Variants in CDK5RAP2 observed in about 807,000 individuals in gnomAD.
CDK5RAP2 encodes the protein CDK5 regulatory subunit associated protein 2.
CDK5RAP2 carries 147 observed loss-of-function variants against 232.9 expected under a neutral mutation model. That is an observed-to-expected ratio of 0.63 (90% CI 0.55 to 0.72). The LOEUF (loss-of-function observed/expected upper bound fraction) is 0.72. Ranked by LOEUF, CDK5RAP2 falls within the 30% of genes least tolerant of loss-of-function variation. The pLI is 0.00. For missense variants in CDK5RAP2, 2,195 were observed against 2,231.5 expected, an observed-to-expected ratio of 0.98 and a Z score of 0.33; for synonymous variants, 833 against 833.7, an observed-to-expected ratio of 1.00 and a Z score of 0.01.
intron 29 of CDK5RAP2, among the ~76,000 whole-genome samples, chr9:120,409,967 A>G (rs1432454145): frequency 6.6e-6 from 1 of 152,166 alleles, no homozygotes; most frequent in African/African-American, 2.4e-5. Flanking sequence ...GGGAGTCAGG[A>G]GCACTCTGGG....
At chr9:120,512,877 A>G (rs999370771) in intron 12 of CDK5RAP2, among the ~76,000 whole-genome samples, 9 of 152,190 alleles carry the variant, frequency 5.9e-5, no homozygotes, top group Admixed American at 1.3e-4. Context: ...GTAAAGTACA[A>G]TCTACACCTG....
At chr9:120,574,989 C>A (rs548028509) in intron 1 of CDK5RAP2, among the ~76,000 whole-genome samples, 1 of 151,910 alleles carries the variant, frequency 6.6e-6, no homozygotes, top group East Asian at 1.9e-4. Context: ...GGTTAAGGGC[C>A]GAATGGACTG....
Position 120,403,925 on chromosome 9 carries a change from C to T in CDK5RAP2, c.5041+111G>A. The T allele has an allele frequency of 5.2e-6, 4 of 768,958 alleles. No individual in the cohort carries two copies. The highest frequency in any genetic ancestry group is 1.4e-5 in the South Asian group (1 of 69,732). 47.6% of individuals were successfully genotyped at this position (768,958 alleles called of 1,614,324 possible). The stretch of plus-strand genomic sequence containing the variant: ...TGCTGAGAACTTGAAATCCCAAATC[C>T]TTACCAAATACCCTCCTGAGTTGGG... On this transcript the variant is annotated intron_variant, in intron 33 of 37. Coordinates refer to ENST00000349780, the MANE Select transcript of CDK5RAP2 (RefSeq NM_018249.6). The surrounding 1 kb of genome is among the most constrained non-coding windows in gnomAD (Gnocchi z 4.2).
At chr9:120,442,037 C>T (rs1408464487) in intron 23 of CDK5RAP2, among the ~76,000 whole-genome samples, 1 of 152,162 alleles carries the variant, frequency 6.6e-6, no homozygotes, top group Non-Finnish European at 1.5e-5. Flanking sequence ...GTAATAACCT[C>T]ATGATAATAG....
chr9:120,501,015 C>T (rs2039549535), intron 12 of CDK5RAP2, among the ~76,000 whole-genome samples: 1 of 152,222 alleles, frequency 6.6e-6, no homozygotes, highest in South Asian at 2.1e-4. Flanking sequence ...ATAGATGCTA[C>T]TGTGTGTCAA....
intron 3 of CDK5RAP2, 47 bp downstream of exon 3, chr9:120,568,274 C>G: frequency 7.1e-7 from 1 of 1,404,298 alleles, no homozygotes; most frequent in Non-Finnish European, 1.0e-6. Context: ...TGGACAGTGG[C>G]AGCAGACACA....
intron 34 of CDK5RAP2, 61 bp from the exon 35 acceptor site, chr9:120,400,946 C>A (rs2032956001): frequency 1.5e-5 from 24 of 1,584,222 alleles, no homozygotes; most frequent in Non-Finnish European, 1.8e-5. Flanking sequence ...GACAAGCAAG[C>A]CTTAACATGC....
At chr9:120,452,016 T>C (rs1390393773) in intron 21 of CDK5RAP2, among the ~76,000 whole-genome samples, 1 of 151,838 alleles carries the variant, frequency 6.6e-6, no homozygotes, top group African/African-American at 2.4e-5. Context: ...CATATTTTAA[T>C]ATATTTGGGG....
intron 25 of CDK5RAP2, among the ~76,000 whole-genome samples, chr9:120,429,799 C>A (rs2035162821): frequency 6.6e-6 from 1 of 152,134 alleles, no homozygotes; most frequent in African/African-American, 2.4e-5. Context: ...CCCGCATCGC[C>A]AAGTCAATCC....
chr9:120,518,218 AG>A (rs1564327921), intron 12 of CDK5RAP2, among the ~76,000 whole-genome samples: 415 of 130,404 alleles, frequency 3.2e-3, no homozygotes, highest in African/African-American at 0.012. Context: ...TGTGAGAGAG[AG>A]AGAGAGAGAG....
intron 12 of CDK5RAP2, among the ~76,000 whole-genome samples, chr9:120,516,536 A>T (rs2040349501): frequency 6.6e-6 from 1 of 152,100 alleles, no homozygotes; most frequent in South Asian, 2.1e-4. Context: ...TAAAAAATAA[A>T]AAATTTTGGC....
intron 35 of CDK5RAP2, among the ~76,000 whole-genome samples, chr9:120,396,254 C>A (rs1393104948): frequency 6.6e-6 from 1 of 152,220 alleles, no homozygotes; most frequent in Non-Finnish European, 1.5e-5. Flanking sequence ...TGCTTTGATT[C>A]TTTTCCTTGG....
At chr9:120,419,038 G>A (rs1175973550) in intron 27 of CDK5RAP2, among the ~76,000 whole-genome samples, 2 of 152,168 alleles carry the variant, frequency 1.3e-5, no homozygotes, top group Admixed American at 1.3e-4. Context: ...GGGGCTTTGG[G>A]AGATGATAGG....
At chr9:120,532,645 C>G (rs2041205643) in intron 7 of CDK5RAP2, 1 of 152,516 alleles carries the variant, frequency 6.6e-6, no homozygotes. Flanking sequence ...AAGGTTTCAC[C>G]ACAAAGAGGG....
chr9:120,437,189 G>A lies in CDK5RAP2; in HGVS notation c.3955+106C>T. 2.5e-5 allele frequency: 20 copies of A among 790,420 alleles called. No homozygotes were observed. The South Asian group carries it at 2.9e-4, about 12-fold the overall frequency. 49.0% of individuals were successfully genotyped at this position (790,420 alleles called of 1,614,324 possible). On this transcript the variant is annotated intron_variant, in intron 25 of 37. Coordinates refer to ENST00000349780, the MANE Select transcript of CDK5RAP2 (RefSeq NM_018249.6). ...CTGCTGTCACCTCATCAAGGCAGAG[G>A]GGTGAAAGATAACTAAGGCCAAGGA...
At chr9:120,435,923 T>C (rs2035553146) in intron 25 of CDK5RAP2, among the ~76,000 whole-genome samples, 1 of 152,158 alleles carries the variant, frequency 6.6e-6, no homozygotes, top group South Asian at 2.1e-4. Flanking sequence ...AAAATGTTAG[T>C]GTTAGAAAAA....
rs181969732 is a variant in CDK5RAP2, at chr9:120,539,680, G to A, written c.384-516C>T. On this transcript the variant is annotated intron_variant, in intron 5 of 37. Transcript: ENST00000349780. The stretch of plus-strand genomic sequence containing the variant: ...AAGTAAGTATTCAATAAATGTTGGC[G>A]ATACTGTTTACTGTAATAAGTAATG... Among the ~76,000 whole-genome samples, 155 of 152,296 alleles carry A rather than the reference G, an allele frequency of 1.0e-3. 3 individuals carry two copies. Among genetic ancestry groups the A allele is most frequent in the Admixed American group, 0.01 (153 of 15,294 alleles).
At chr9:120,523,268 T>C (rs957294322) in intron 11 of CDK5RAP2, among the ~76,000 whole-genome samples, 2 of 152,230 alleles carry the variant, frequency 1.3e-5, no homozygotes, top group African/African-American at 4.8e-5. Flanking sequence ...ATGTATAAGA[T>C]TCCTTTCTTT....
chr9:120,560,624 CT>C (rs1179629785), intron 3 of CDK5RAP2, among the ~76,000 whole-genome samples: 3 of 151,278 alleles, frequency 2.0e-5, no homozygotes, highest in South Asian at 2.1e-4. Context: ...GGTATTGTCT[CT>C]TTTTTTTTGA....
Sources: allele counts gnomAD v4.1 joint callset (sites outside exome capture counted in the v4.1 genomes callset), GRCh38; gene constraint gnomAD v4.1.1; non-coding constraint Gnocchi (gnomAD v3.1); transcripts MANE v1.5; gene names NCBI Gene and HGNC (gene_info 2026-07-23, HGNC 2026-07-21).